The following LAMA3 variants were observed in gnomAD, a reference collection of about 807,000 sequenced individuals.
The protein encoded by LAMA3 is laminin subunit alpha 3.
Under a neutral mutation model 402.0 loss-of-function variants are expected in LAMA3, and 281 were observed. The ratio of observed to expected loss-of-function variants is 0.70; its 90% confidence interval spans 0.63 to 0.77. LAMA3 has a LOEUF of 0.77. LAMA3 is among the 30% of genes least tolerant of loss of function. The probability of loss-of-function intolerance (pLI) is 0.00; values close to 1 mark genes in which losing one functional copy is unlikely to be tolerated. For missense variants in LAMA3, 3,840 were observed against 4,215.5 expected (o/e 0.91, Z 2.47); for synonymous variants, 1,431 against 1,558.4 (o/e 0.92, Z 1.93).
intron 27 of LAMA3, among the ~76,000 whole-genome samples, chr18:23,840,429 C>T (rs2063675800): frequency 8.4e-6 from 1 of 119,638 alleles, no homozygotes; most frequent in Non-Finnish European, 1.6e-5. Flanking sequence ...ATCACTCAAA[C>T]TTGAGTGCAG....
At chr18:23,695,930 GGTGGTGCATACCT>G (rs1404560703) in intron 1 of LAMA3, among the ~76,000 whole-genome samples, 1 of 151,728 alleles carries the variant, frequency 6.6e-6, no homozygotes, top group East Asian at 1.9e-4. Flanking sequence ...CGAGTTTGGG[GGTGGTGCATACCT>G]GTGAGCCTTG....
intron 2 of LAMA3, among the ~76,000 whole-genome samples, chr18:23,732,627 C>G (rs912295423): frequency 6.6e-6 from 1 of 152,058 alleles, no homozygotes; most frequent in African/African-American, 2.4e-5. Context: ...CTCGCATTGG[C>G]TCTATCTCAA....
intron 13 of LAMA3, among the ~76,000 whole-genome samples, chr18:23,812,599 G>A (rs1258233861): frequency 6.6e-6 from 1 of 152,184 alleles, no homozygotes; most frequent in African/African-American, 2.4e-5. Flanking sequence ...TACTAAGTCA[G>A]GAAAACAAAC....
At chr18:23,775,661 G>C in intron 9 of LAMA3, 131 bp from the exon 10 acceptor site, 1 of 1,010,384 alleles carries the variant, frequency 9.9e-7, no homozygotes, top group East Asian at 2.5e-5. Context: ...GTGGGAAATA[G>C]GCTGTGCCCT....
In LAMA3 at chr18:23,749,526, G is replaced by GT; in HGVS notation, c.665dup (p.Pro223ThrfsTer6). The GT allele has an allele frequency of 6.2e-7, 1 of 1,603,840 alleles. No individual in the cohort carries two copies. The highest frequency in any genetic ancestry group is 8.5e-7 in the Non-Finnish European group (1 of 1,170,672). ...TTGTGTTACTGAATATTCCCGTATT[G>GT]TACCTTTGGAAAATGGTGAGGTAAG... On this transcript the variant is annotated frameshift_variant, in exon 4 of 75. Transcript: ENST00000313654. LOFTEE classifies it high-confidence loss of function.
intron 19 of LAMA3, among the ~76,000 whole-genome samples, 181 bp from the exon 20 acceptor site, chr18:23,822,071 G>A (rs960747796): frequency 5.3e-5 from 8 of 152,178 alleles, no homozygotes; most frequent in Non-Finnish European, 1.0e-4. Context: ...TGTTAGGTTT[G>A]CCTATTTCCA....
intron 12 of LAMA3, among the ~76,000 whole-genome samples, chr18:23,792,343 C>G (rs1203189740): frequency 6.6e-6 from 1 of 152,180 alleles, no homozygotes; most frequent in African/African-American, 2.4e-5. Flanking sequence ...GGGCCACATA[C>G]TGGGGCAAAA....
At position 23,689,502 on chromosome 18, in the gene LAMA3, T is replaced by C. The variant is rs1336226809; in HGVS notation, c.-182T>C. The stretch of plus-strand genomic sequence containing the variant: ...CTCCAGCCGCGGCAGGTTCCAGAGC[T>C]GAGAGGCCACCCCCACGCCGCGGGC... On this transcript the variant is annotated 5_prime_UTR_variant, in exon 1 of 75. Coordinates refer to ENST00000313654, the MANE Select transcript of LAMA3 (RefSeq NM_198129.4). 2.1e-6 allele frequency: 1 copy of C among 480,396 alleles called. No homozygotes were observed. The highest frequency in any genetic ancestry group is 3.9e-5 in the East Asian group (1 of 25,776). 29.8% of individuals were successfully genotyped at this position (480,396 alleles called of 1,614,324 possible). A position where few individuals can be genotyped will look rare whatever the true frequency, so the allele number is the denominator to read the frequency against.
At position 23,890,118 on chromosome 18, in the gene LAMA3, G is replaced by T. The variant is rs1340199236; in HGVS notation, c.5410+1G>T. On this transcript the variant is annotated splice_donor_variant, in intron 42 of 74. Transcript: ENST00000313654. LOFTEE classifies it high-confidence loss of function. ...GGCAGCTGTCATCCCCTGACTGGAG[G>T]TAAGGCCGACCCACACCCCTGCTAA... is the stretch of plus-strand genomic sequence containing the variant. The T allele has an allele frequency of 1.2e-6, 2 of 1,602,118 alleles. No individual in the cohort carries two copies. Among genetic ancestry groups the T allele is most frequent in the Non-Finnish European group, 1.7e-6 (2 of 1,169,092 alleles).
intron 9 of LAMA3, among the ~76,000 whole-genome samples, chr18:23,774,404 T>C (rs192686740): frequency 6.6e-6 from 1 of 152,330 alleles, no homozygotes; most frequent in Non-Finnish European, 1.5e-5. Context: ...GGACATTGTA[T>C]TATTGTCCTC....
At position 23,878,546 on chromosome 18, in the gene LAMA3, G is replaced by A. The variant is rs2064798035; in HGVS notation, c.5112+2139G>A. ...GAGCCCATGTCTGCACTCAGCTAAC[G>A]GCTCCGTGGCAAGTCCTGAGTGCTG... On this transcript the variant is annotated intron_variant, in intron 39 of 74. Transcript: ENST00000313654. Among the ~76,000 whole-genome samples, 4 of 152,326 alleles carry A rather than the reference G, an allele frequency of 2.6e-5. No homozygotes were observed. In the South Asian group the frequency reaches 8.3e-4, roughly 32 times the overall value.
At chr18:23,772,913 G>C (rs1020483603) in intron 8 of LAMA3, among the ~76,000 whole-genome samples, 4 of 152,210 alleles carry the variant, frequency 2.6e-5, no homozygotes, top group Non-Finnish European at 5.9e-5. Flanking sequence ...CCATGAACTG[G>C]AAAGAGCTGC....
rs2063060237 is a variant in LAMA3 at position 23,811,079 on chromosome 18, G to C, written c.1741+576G>C. 2.6e-5 allele frequency among the ~76,000 whole-genome samples: 4 copies of C among 152,162 alleles called. No individual in the cohort carries two copies. In the South Asian group the frequency reaches 8.3e-4, roughly 32 times the overall value. The stretch of plus-strand genomic sequence containing the variant: ...CACTGGAGTCTATGCAGTTTGGAGA[G>C]AGTGCACTGAGGGGGAGATGAAAAC... On this transcript the variant is annotated intron_variant, in intron 13 of 74. Coordinates refer to ENST00000313654, the MANE Select transcript of LAMA3 (RefSeq NM_198129.4).
intron 3 of LAMA3, 73 bp from the exon 4 acceptor site, chr18:23,749,355 A>C: frequency 1.2e-6 from 1 of 819,520 alleles, no homozygotes; most frequent in Non-Finnish European, 2.0e-6. Context: ...TTAAGGAAAC[A>C]TAAGGCTTCT....
rs1409910789 is a variant in LAMA3 at position 23,813,028 on chromosome 18, T to C, written c.1742-29T>C. ...ACAAAGAGAAAAACAAACTACCAGA[T>C]AATTTAAAAATTTCTGAATCATATT... is the stretch of plus-strand genomic sequence containing the variant. On this transcript the variant is annotated intron_variant, in intron 13 of 74. Coordinates refer to ENST00000313654, the MANE Select transcript of LAMA3 (RefSeq NM_198129.4). 3.3e-6 allele frequency: 5 copies of C among 1,531,292 alleles called. No homozygotes were observed. The South Asian group carries it at 4.5e-5, about 14-fold the overall frequency. 94.9% of individuals were successfully genotyped at this position (1,531,292 alleles called of 1,614,324 possible).
At chr18:23,727,387 A>G (rs928266743) in intron 2 of LAMA3, among the ~76,000 whole-genome samples, 1 of 151,840 alleles carries the variant, frequency 6.6e-6, no homozygotes, top group African/African-American at 2.4e-5. Context: ...GGGCGGTGGC[A>G]TGATCTCGGC....
intron 65 of LAMA3, chr18:23,931,493 C>A: frequency 7.6e-5 from 21 of 276,766 alleles, no homozygotes; most frequent in South Asian, 1.4e-4. Context: ...CATGTCTCTA[C>A]GAAAACTAAA....
intron 1 of LAMA3, among the ~76,000 whole-genome samples, chr18:23,700,615 T>C (rs2060774289): frequency 6.6e-6 from 1 of 152,226 alleles, no homozygotes; most frequent in Admixed American, 6.5e-5. Flanking sequence ...GGGGACACCA[T>C]ACAGTTATTA....
In LAMA3 at chr18:23,733,151, T is replaced by A. The variant is rs536730553; in HGVS notation, c.448-14792T>A. Among the ~76,000 whole-genome samples, 10 of 152,164 alleles carry A rather than the reference T, an allele frequency of 6.6e-5. No homozygotes were observed. The East Asian group carries it at 1.9e-3, about 30-fold the overall frequency. ...CAGTGGGCAGCTTTGGCTTCTGGGGTTTCACATGCTTCTTGGAGAGTCAAA... is the reference window on the plus strand; with the variant it reads ...CAGTGGGCAGCTTTGGCTTCTGGGGATTCACATGCTTCTTGGAGAGTCAAA... On this transcript the variant is annotated intron_variant, in intron 2 of 74. Transcript: ENST00000313654.
Sources: gnomAD v4.1 joint callset for allele counts (sites outside exome capture counted in the v4.1 genomes callset) on GRCh38, gnomAD v4.1.1 for gene constraint, MANE v1.5 for transcripts, NCBI Gene and HGNC (gene_info 2026-07-23, HGNC 2026-07-21) for gene names.